CAMTA1: variants seen among roughly 807,000 people sequenced by gnomAD.
CAMTA1 encodes the protein calmodulin-binding transcription activator 1.
A neutral mutation model predicts 170.9 loss-of-function variants in CAMTA1; 27 were observed. That is an observed-to-expected ratio of 0.16 (90% confidence interval 0.12 to 0.22). The LOEUF (loss-of-function observed/expected upper bound fraction) is 0.22, where lower values mean the gene tolerates loss of function less well. Among genes scored for constraint, CAMTA1 ranks in the 10% least tolerant of loss-of-function variants. The probability of loss-of-function intolerance (pLI) is 1.00; values close to 1 mark genes in which losing one functional copy is unlikely to be tolerated. For missense variants in CAMTA1, 1,619 were observed against 2,217.2 expected, an observed-to-expected ratio of 0.73 and a Z score of 5.42; for synonymous variants, 833 against 891.5, an observed-to-expected ratio of 0.93 and a Z score of 1.17.
intron 3 of CAMTA1, among the ~76,000 whole-genome samples, chr1:6,952,812 C>G (rs931620787): frequency 2.6e-5 from 4 of 151,904 alleles, no homozygotes; most frequent in Non-Finnish European, 5.9e-5. Context: ...CCAGCCTGGG[C>G]GACAAAGCAA....
chr1:7,713,441 G>A (rs2096586379), intron 11 of CAMTA1, among the ~76,000 whole-genome samples: 1 of 150,464 alleles, frequency 6.6e-6, no homozygotes, highest in Admixed American at 6.7e-5. Context: ...CTGCCCCCCA[G>A]CCCCCACCCC....
chr1:7,411,794 C>T (rs2149263352), intron 5 of CAMTA1, among the ~76,000 whole-genome samples: 1 of 151,952 alleles, frequency 6.6e-6, no homozygotes, highest in East Asian at 1.9e-4. Context: ...TTTTAGGGTA[C>T]ATGTGCACAA....
chr1:7,040,109 A>C (rs1704197893), intron 3 of CAMTA1, among the ~76,000 whole-genome samples: 1 of 151,916 alleles, frequency 6.6e-6, no homozygotes, highest in Non-Finnish European at 1.5e-5. Flanking sequence ...TTTGGGTGGC[A>C]ACTCACCACA....
intron 4 of CAMTA1, among the ~76,000 whole-genome samples, chr1:7,165,829 A>G (rs1400094755): frequency 6.6e-6 from 1 of 152,194 alleles, no homozygotes; most frequent in Admixed American, 6.5e-5. Context: ...AAAAGTTTAT[A>G]TGAGACCATC....
intron 3 of CAMTA1, among the ~76,000 whole-genome samples, chr1:6,831,923 TTATA>T (rs200080850): frequency 0.2 from 30,177 of 151,850 alleles, 3,521 homozygotes; most frequent in Non-Finnish European, 0.26. Flanking sequence ...TGAGTAATAA[TTATA>T]ATGCTTTTTA....
At chr1:7,731,031 C>T (rs1381530143) in intron 11 of CAMTA1, among the ~76,000 whole-genome samples, 1 of 151,840 alleles carries the variant, frequency 6.6e-6, no homozygotes, top group East Asian at 1.9e-4. Flanking sequence ...ATTTTAACAT[C>T]GATTTAACTC....
intron 3 of CAMTA1, among the ~76,000 whole-genome samples, chr1:7,018,960 C>T (rs767575910): frequency 1.3e-5 from 2 of 152,132 alleles, no homozygotes; most frequent in Non-Finnish European, 2.9e-5. Context: ...CGAAGAGACC[C>T]GAGGACACCC....
intron 5 of CAMTA1, among the ~76,000 whole-genome samples, chr1:7,334,504 G>T (rs1265902366): frequency 6.6e-6 from 1 of 152,126 alleles, no homozygotes; most frequent in African/African-American, 2.4e-5. Flanking sequence ...TTGTGCAAAG[G>T]GCTCCCCTAT....
intron 3 of CAMTA1, among the ~76,000 whole-genome samples, chr1:6,914,656 G>T (rs1680415382): frequency 6.6e-6 from 1 of 152,222 alleles, no homozygotes. Context: ...CCCCTAGGAA[G>T]GGGTGGCACA....
intron 7 of CAMTA1, among the ~76,000 whole-genome samples, chr1:7,651,553 A>G (rs933837154): frequency 6.6e-6 from 1 of 152,230 alleles, no homozygotes; most frequent in Non-Finnish European, 1.5e-5. Flanking sequence ...TCCTCGTCCA[A>G]TTCCTTTCCA....
intron 3 of CAMTA1, among the ~76,000 whole-genome samples, chr1:6,956,894 T>C (rs1689551431): frequency 6.6e-6 from 1 of 152,208 alleles, no homozygotes; most frequent in African/African-American, 2.4e-5. Flanking sequence ...CGAGGAGGCA[T>C]GGCCAGCAAG....
At chr1:6,926,453 TTTCTTTC>T (rs1683193139) in intron 3 of CAMTA1, among the ~76,000 whole-genome samples, 1 of 111,920 alleles carries the variant, frequency 8.9e-6, no homozygotes, top group African/African-American at 4.2e-5. Context: ...TCTTTCTTTC[TTTCTTTC>T]TTTCTTTCTT....
chr1:6,857,420 A>T (rs1295590734), intron 3 of CAMTA1, among the ~76,000 whole-genome samples: 1 of 152,230 alleles, frequency 6.6e-6, no homozygotes, highest in African/African-American at 2.4e-5. Context: ...AAAGTAAAAT[A>T]AGTTTGGATT....
intron 21 of CAMTA1, among the ~76,000 whole-genome samples, chr1:7,755,064 G>T (rs758383436): frequency 6.6e-6 from 1 of 152,042 alleles, no homozygotes; most frequent in Admixed American, 6.6e-5. Flanking sequence ...GGTGGCTCAC[G>T]CCTGTAATCT....
At chr1:7,198,556 G>C (rs1656015942) in intron 4 of CAMTA1, among the ~76,000 whole-genome samples, 1 of 151,992 alleles carries the variant, frequency 6.6e-6, no homozygotes, top group African/African-American at 2.4e-5. Context: ...AAACCCCCAG[G>C]ACCTCTCTGG....
chr1:6,928,507 T>A (rs1392063677), intron 3 of CAMTA1, among the ~76,000 whole-genome samples: 1 of 152,016 alleles, frequency 6.6e-6, no homozygotes, highest in Admixed American at 6.5e-5. Context: ...GCCCCTCCCC[T>A]TTACCTTTAT....
intron 5 of CAMTA1, among the ~76,000 whole-genome samples, chr1:7,350,965 G>C (rs573261432): frequency 6.6e-6 from 1 of 152,222 alleles, no homozygotes; most frequent in Non-Finnish European, 1.5e-5. Flanking sequence ...AGGGCTTCCC[G>C]GTAGGGCACT....
intron 5 of CAMTA1, among the ~76,000 whole-genome samples, chr1:7,366,066 G>A (rs845267): frequency 0.62 from 94,750 of 152,100 alleles, 31,515 homozygotes; most frequent in Middle Eastern, 0.75. Context: ...GACTCTGCCC[G>A]TTCTCTGTGA....
Position 7,547,238 on chromosome 1 carries a change from G to A in CAMTA1, c.510+79337G>A, listed in dbSNP as rs887610829. Among the ~76,000 whole-genome samples the A allele has an allele frequency of 6.6e-6, 1 of 152,026 alleles. No homozygotes were observed. The highest frequency in any genetic ancestry group is 1.5e-5 in the Non-Finnish European group (1 of 68,012). On this transcript the variant is annotated intron_variant, in intron 6 of 22. Coordinates refer to ENST00000303635, the MANE Select transcript of CAMTA1 (RefSeq NM_015215.4). This position sits in a 1 kb window ranked among gnomAD's most constrained non-coding sequence, Gnocchi z 5.7. Reference sequence around the variant, plus strand: ...ATCAACCATTTCTCCAAAGAAACCTGGTTTCTTTTAGTGGAAAGTGGTGTT... The same window carrying A: ...ATCAACCATTTCTCCAAAGAAACCTAGTTTCTTTTAGTGGAAAGTGGTGTT...
Sources: gnomAD v4.1 joint callset for allele counts (sites outside exome capture counted in the v4.1 genomes callset) on GRCh38, gnomAD v4.1.1 for gene constraint, Gnocchi (gnomAD v3.1) non-coding constraint, MANE v1.5 for transcripts, NCBI Gene and HGNC (gene_info 2026-07-23, HGNC 2026-07-21) for gene names.